CRACDL: variants seen among roughly 807,000 people sequenced by gnomAD.
CRACDL encodes CRACD-like protein.
A neutral mutation model predicts 70.6 loss-of-function variants in CRACDL; 26 were observed. The ratio of observed to expected loss-of-function variants is 0.37; its 90% CI spans 0.27 to 0.51. The LOEUF (loss-of-function observed/expected upper bound fraction) is 0.51, where lower values mean the gene tolerates loss of function less well. Ranked by LOEUF, CRACDL falls within the 20% of genes least tolerant of loss-of-function variation. The pLI is 0.94. For synonymous variants in CRACDL, 618 were observed against 615.2 expected (o/e 1.00, Z -0.07); for missense variants, 1,283 against 1,376.9 (o/e 0.93, Z 1.08).
At chr2:98,901,703 C>T (rs1049169477) in intron 1 of CRACDL, among the ~76,000 whole-genome samples, 1 of 152,180 alleles carries the variant, frequency 6.6e-6, no homozygotes. Context: ...TGGGATAGGG[C>T]CTCTTTGTTA....
At chr2:98,840,578 TGA>T (rs1705986526) in intron 2 of CRACDL, 1 of 152,198 alleles carries the variant, frequency 6.6e-6, no homozygotes, top group South Asian at 2.1e-4. Flanking sequence ...TATCAATTAC[TGA>T]GAGAGATGTG....
intron 1 of CRACDL, among the ~76,000 whole-genome samples, chr2:98,852,249 C>T (rs985793597): frequency 1.3e-5 from 2 of 152,118 alleles, no homozygotes; most frequent in African/African-American, 4.8e-5. Context: ...GGGGAGACTC[C>T]AAGGAACCAG....
In CRACDL at chr2:98,822,801, G is replaced by A; in HGVS notation, c.1472C>T (p.Pro491Leu). 1 of 1,368,918 alleles carries A rather than the reference G, an allele frequency of 7.3e-7. No homozygotes were observed. Among genetic ancestry groups the A allele is most frequent in the Non-Finnish European group, 9.4e-7 (1 of 1,065,874 alleles). The allele number at this position is 1,368,918 out of a possible 1,614,324, so 84.8% of individuals were successfully genotyped here. Residue 491 changes from proline to leucine, a missense_variant, in exon 7 of 10, where the codon CCG becomes CTG. Pro to Leu is a moderately conservative substitution (Grantham distance 98, BLOSUM62 -3). This residue lies in a region of CRACDL where 921 missense variants were observed against 881.9 expected (regional missense o/e 1.04). Transcript: ENST00000397899. This position sits in a 1 kb window ranked among gnomAD's most constrained non-coding sequence, Gnocchi z 4.9. Reference protein sequence around the residue: ...TEPSTAPAPSPPAPKSCLKHR... With the variant: ...TEPSTAPAPSLPAPKSCLKHR... Reference sequence around the variant, plus strand: ...TTTCAGGCAGCTCTTGGGCGCCGGCGGGCTCGGGGCGGGCGCCGTGGAGGG... The same window carrying A: ...TTTCAGGCAGCTCTTGGGCGCCGGCAGGCTCGGGGCGGGCGCCGTGGAGGG...
At chr2:98,930,594 G>A (rs1241885044) in intron 1 of CRACDL, among the ~76,000 whole-genome samples, 1 of 146,346 alleles carries the variant, frequency 6.8e-6, no homozygotes, top group African/African-American at 2.5e-5. Flanking sequence ...CCCCATCTCT[G>A]TCCCACCCCT....
chr2:98,870,362 T>C (rs1037847401), intron 1 of CRACDL, among the ~76,000 whole-genome samples: 5 of 152,212 alleles, frequency 3.3e-5, no homozygotes, highest in Admixed American at 6.5e-5. Flanking sequence ...TGGCCTACAA[T>C]TTAATTTTAA....
Position 98,861,580 on chromosome 2 carries a change from C to T in CRACDL, c.-10-14770G>A, listed in dbSNP as rs111353201. Among the ~76,000 whole-genome samples, 697 of 152,274 alleles carry T rather than the reference C, an allele frequency of 4.6e-3. 6 individuals are homozygous for T. The highest frequency in any genetic ancestry group is 0.017 in the Middle Eastern group (5 of 294). On this transcript the variant is annotated intron_variant, in intron 1 of 9. Transcript: ENST00000397899. ...GCCCAGCAATTACATTCCTAGATAT[C>T]TACCTCAGGGAAATAAAAACATATG...
chr2:98,910,335 C>T (rs1708517309), intron 1 of CRACDL, among the ~76,000 whole-genome samples: 1 of 151,990 alleles, frequency 6.6e-6, no homozygotes, highest in African/African-American at 2.4e-5. Context: ...GCCTGACCAA[C>T]GTGGTGAAAC....
At chr2:98,796,671 T>C (rs1559196117) in intron 8 of CRACDL, among the ~76,000 whole-genome samples, 1 of 152,202 alleles carries the variant, frequency 6.6e-6, no homozygotes, top group African/African-American at 2.4e-5. Flanking sequence ...TCTGGTATAA[T>C]TGAGGTTCTG....
chr2:98,852,974 GGAGAGA>G (rs746840395), intron 1 of CRACDL, among the ~76,000 whole-genome samples: 1 of 127,704 alleles, frequency 7.8e-6, no homozygotes, highest in Non-Finnish European at 1.7e-5. Context: ...GGTGGGTGCG[GGAGAGA>G]GAGAGAGAGA....
chr2:98,824,570 A>T (rs1248398507), intron 6 of CRACDL, among the ~76,000 whole-genome samples: 1 of 152,174 alleles, frequency 6.6e-6, no homozygotes, highest in Non-Finnish European at 1.5e-5. Context: ...TGTGGAAATG[A>T]CGAAAAGGTT....
At chr2:98,796,955 A>T (rs1331318547) in intron 8 of CRACDL, among the ~76,000 whole-genome samples, 3 of 152,190 alleles carry the variant, frequency 2.0e-5, no homozygotes, top group African/African-American at 4.8e-5. Flanking sequence ...TCCTCACAGC[A>T]TGATAAGCTG....
chr2:98,932,113 T>C lies in CRACDL; in HGVS notation c.-11+3825A>G, dbSNP rs1709093204. Among the ~76,000 whole-genome samples the C allele has an allele frequency of 4.6e-5, 7 of 152,216 alleles. No individual in the cohort carries two copies. The South Asian group carries it at 1.4e-3, about 31-fold the overall frequency. ...TCAGTTTGGGGAAAACAGAAGGATT[T>C]TGAACGCTGGCTGTCTGTGTTGTCC... On this transcript the variant is annotated intron_variant, in intron 1 of 9. Coordinates refer to ENST00000397899, the MANE Select transcript of CRACDL (RefSeq NM_207362.3).
chr2:98,808,776 T>C (rs767083947), intron 7 of CRACDL, among the ~76,000 whole-genome samples: 3 of 152,244 alleles, frequency 2.0e-5, no homozygotes, highest in Non-Finnish European at 2.9e-5. Flanking sequence ...TCCTGAGCCC[T>C]GGGGTGAGTG....
intron 9 of CRACDL, among the ~76,000 whole-genome samples, chr2:98,795,312 G>T (rs1703771118): frequency 6.6e-6 from 1 of 151,766 alleles, no homozygotes; most frequent in Non-Finnish European, 1.5e-5. Flanking sequence ...CTGACCTCAG[G>T]TGATCTGCCC....
At chr2:98,862,160 C>T (rs1706965027) in intron 1 of CRACDL, among the ~76,000 whole-genome samples, 3 of 152,150 alleles carry the variant, frequency 2.0e-5, no homozygotes, top group African/African-American at 7.2e-5. Context: ...TAGAAAGTCA[C>T]CATGCATGCC....
At chr2:98,838,010 A>ATGGAAGAACTTCT (rs1705869542) in intron 3 of CRACDL, 109 bp downstream of exon 3, 18 of 907,138 alleles carry the variant, frequency 2.0e-5, no homozygotes, top group Admixed American at 6.1e-5. Flanking sequence ...AAGAACCTCT[A>ATGGAAGAACTTCT]ATGGAATTAC....
Position 98,795,075 on chromosome 2 carries a change from A to ATTTTTTTTTTTTTTTT in CRACDL, c.2750-405_2750-404insAAAAAAAAAAAAAAAA, listed in dbSNP as rs1310155610. On this transcript the variant is annotated intron_variant, in intron 9 of 9. Coordinates refer to ENST00000397899, the MANE Select transcript of CRACDL (RefSeq NM_207362.3). ...TATATATATATATATATATATATAT[A>ATTTTTTTTTTTTTTTT]TATTTTTTTTTTTTTTTGAGACAGA... 6.5e-4 allele frequency among the ~76,000 whole-genome samples: 16 copies of ATTTTTTTTTTTTTTTT among 24,466 alleles called. 1 individual carries two copies. The highest frequency in any genetic ancestry group is 1.1e-3 in the Non-Finnish European group (11 of 10,442). The allele number at this position is 24,466 out of a possible 152,430, so 16.1% of individuals were successfully genotyped here.
intron 1 of CRACDL, among the ~76,000 whole-genome samples, chr2:98,920,369 G>C (rs1328396030): frequency 1.3e-5 from 2 of 152,114 alleles, no homozygotes; most frequent in South Asian, 2.1e-4. Flanking sequence ...ACTACACTGT[G>C]CATACTTCGC....
intron 1 of CRACDL, among the ~76,000 whole-genome samples, chr2:98,894,069 G>C (rs1417168554): frequency 6.6e-6 from 1 of 151,998 alleles, no homozygotes; most frequent in Non-Finnish European, 1.5e-5. Flanking sequence ...CAGCTACTCC[G>C]TGCCTGCACT....
Sources: allele counts gnomAD v4.1 joint callset (sites outside exome capture counted in the v4.1 genomes callset), GRCh38; gene constraint gnomAD v4.1.1; regional missense constraint gnomAD v4.1.1; non-coding constraint Gnocchi (gnomAD v3.1); transcripts MANE v1.5; gene names NCBI Gene and HGNC (gene_info 2026-07-23, HGNC 2026-07-21).